Variants in RASA2 observed in about 807,000 individuals in gnomAD.
The protein encoded by RASA2 is ras GTPase-activating protein 2.
In RASA2, 155 loss-of-function variants were observed where a neutral mutation model predicts 118.2. The observed-to-expected ratio is 1.31, with a 90% confidence interval of 1.15 to 1.50. The LOEUF is 1.50. Among genes scored for constraint, RASA2 ranks in the 40% most tolerant of loss-of-function variants. The pLI, the probability that RASA2 is intolerant of heterozygous loss-of-function variation, is 0.00. For synonymous variants in RASA2, 353 were observed against 349.1 expected (o/e 1.01, Z -0.12); for missense variants, 1,016 against 1,009.6 (o/e 1.01, Z -0.09).
In RASA2 at chr3:141,610,011, G is replaced by T; in HGVS notation, c.2464G>T (p.Glu822Ter). Reference protein sequence around the residue: ...QIKSIIEKLDEPHEKYRKKRS... With the variant: ...QIKSIIEKLD ...AAAAAGCATAATTGAGAAGCTGGATGAACCTCATGAAAAATATAGGAAGAA... is the reference window on the plus strand; with the variant it reads ...AAAAAGCATAATTGAGAAGCTGGATTAACCTCATGAAAAATATAGGAAGAA... The change falls in exon 23 of 24, where the codon GAA becomes TAA. Residue 822 changes from glutamate (E) to a stop codon, truncating the protein, a stop_gained. Transcript: ENST00000286364. LOFTEE classifies it high-confidence loss of function. The T allele has an allele frequency of 1.2e-6, 2 of 1,604,394 alleles. No individual in the cohort carries two copies. Among genetic ancestry groups the T allele is most frequent in the South Asian group, 2.2e-5 (2 of 89,176 alleles).
In RASA2 at chr3:141,586,084, G is replaced by A. The variant is rs930450697; in HGVS notation, c.1812G>A (p.Val604=). The change falls in exon 18 of 24, where the codon GTG becomes GTA. Residue 604 remains valine (V), a synonymous_variant. Transcript: ENST00000286364. Reference sequence around the variant, plus strand: ...AGTCCAGTGGTACGAGTGAGCCTGTGCACCTGAAAGAAGGGTAATTTAATC... The same window carrying A: ...AGTCCAGTGGTACGAGTGAGCCTGTACACCTGAAAGAAGGGTAATTTAATC... ...TKESSGTSEP[V]HLKEGEMYKR... is the part of the protein sequence containing the mutation. The A allele has an allele frequency of 2.5e-6, 4 of 1,605,752 alleles. No homozygotes were observed. Among genetic ancestry groups the A allele is most frequent in the East Asian group, 4.5e-5 (2 of 44,758 alleles).
chr3:141,597,822 A>G (rs1236637352), intron 19 of RASA2, among the ~76,000 whole-genome samples: 1 of 151,824 alleles, frequency 6.6e-6, no homozygotes, highest in Non-Finnish European at 1.5e-5. Flanking sequence ...AAAAATGCCT[A>G]GAAAGACTGA....
chr3:141,586,098 G>T lies in RASA2; in HGVS notation c.1826G>T (p.Gly609Val). 1 of 1,596,366 alleles carries T rather than the reference G, an allele frequency of 6.3e-7. No individual in the cohort carries two copies. Among genetic ancestry groups the T allele is most frequent in the Non-Finnish European group, 8.6e-7 (1 of 1,164,826 alleles). The change falls in exon 18 of 24, where the codon GGT becomes GTT. Residue 609 changes from glycine (G) to valine (V), a missense_variant and splice_region_variant. This residue lies in a region of RASA2 where 896 missense variants were observed against 836.4 expected (regional missense o/e 1.07). Transcript: ENST00000286364. ...AGTGAGCCTGTGCACCTGAAAGAAG[G>T]GTAATTTAATCAAATTAGACGTGAA... ...GTSEPVHLKE[G>V]EMYKRAQGRT...
Position 141,586,744 on chromosome 3 carries a change from A to G in RASA2, c.1925A>G (p.Lys642Arg). 1 of 1,609,490 alleles carries G rather than the reference A, an allele frequency of 6.2e-7. No individual in the cohort carries two copies. The highest frequency in any genetic ancestry group is 8.5e-7 in the Non-Finnish European group (1 of 1,176,032). The change falls in exon 19 of 24, where the codon AAA (lysine) becomes AGA (arginine). Residue 642 changes from lysine (K) to arginine (R), a missense_variant. Lys to Arg is a conservative substitution (Grantham distance 26, BLOSUM62 2). This residue lies in a region of RASA2 where 896 missense variants were observed against 836.4 expected (regional missense o/e 1.07). Coordinates refer to ENST00000286364, the MANE Select transcript of RASA2 (RefSeq NM_006506.5). Reference protein sequence around the residue: ...CLTSRELTYHKQPGKDAIYTI... With the variant: ...CLTSRELTYHRQPGKDAIYTI... ...ACAAGCAGAGAGCTCACCTACCACAAACAGCCAGGTAGTTGTGTTTATGCT... is the reference window on the plus strand; with the variant it reads ...ACAAGCAGAGAGCTCACCTACCACAGACAGCCAGGTAGTTGTGTTTATGCT...
rs1485022882 is a variant in RASA2, at chr3:141,572,593, T to C, written c.1170-16T>C. 1 of 1,565,150 alleles carries C rather than the reference T, an allele frequency of 6.4e-7. No individual in the cohort carries two copies. Among genetic ancestry groups the C allele is most frequent in the South Asian group, 1.1e-5 (1 of 90,108 alleles). On this transcript the variant is annotated splice_polypyrimidine_tract_variant and intron_variant, in intron 11 of 23. Transcript: ENST00000286364. ...CCTTTGTTTACTACATTTGGTTTCA[T>C]CTATTTCTATTTCAGAGATGCAAAC...
At chr3:141,606,196 T>G (rs1223687863) in intron 19 of RASA2, among the ~76,000 whole-genome samples, 4 of 152,210 alleles carry the variant, frequency 2.6e-5, no homozygotes, top group Admixed American at 2.6e-4. Context: ...GATGTCTTAT[T>G]GTACATCTGG....
chr3:141,587,556 A>G (rs2083224033), intron 19 of RASA2, among the ~76,000 whole-genome samples: 1 of 152,246 alleles, frequency 6.6e-6, no homozygotes, highest in East Asian at 1.9e-4. Flanking sequence ...TACTAAAAGT[A>G]CAAAAAAATT....
Position 141,542,733 on chromosome 3 carries a change from C to T in RASA2, c.527+2124C>T, listed in dbSNP as rs137873704. On this transcript the variant is annotated intron_variant, in intron 5 of 23. Coordinates refer to ENST00000286364, the MANE Select transcript of RASA2 (RefSeq NM_006506.5). ...TAACTACCACCACCAAGATACGAAA[C>T]TCTTCTGTCACCATAAAGATATCTC... Among the ~76,000 whole-genome samples, 218 of 152,220 alleles carry T rather than the reference C, an allele frequency of 1.4e-3. 7 individuals carry two copies. In the East Asian group the frequency reaches 0.024, roughly 17 times the overall value.
intron 1 of RASA2, among the ~76,000 whole-genome samples, chr3:141,504,384 CA>C (rs1156254289): frequency 6.6e-6 from 1 of 152,166 alleles, no homozygotes; most frequent in Non-Finnish European, 1.5e-5. Context: ...ATTTAATATT[CA>C]ATACAGTCTC....
rs772922218 is a variant in RASA2, at chr3:141,607,692, T to C, written c.1948T>C (p.Tyr650His). The change falls in exon 20 of 24, where the codon TAC (tyrosine) becomes CAC (histidine). Residue 650 changes from tyrosine to histidine, a missense_variant. By Grantham distance (83) the Tyr-to-His change is moderately conservative (BLOSUM62 2). Around this residue, in one of 2 missense-constraint regions of RASA2, gnomAD observed 896 missense variants for 836.4 expected, o/e 1.07. Coordinates refer to ENST00000286364, the MANE Select transcript of RASA2 (RefSeq NM_006506.5). ...TTATTATTTAGGCAAAGATGCAATC[T>C]ACACAATCCCAGTAAAAAACATTCT... is the stretch of plus-strand genomic sequence containing the variant. ...YHKQPGKDAI[Y>H]TIPVKNILAV... is the part of the protein sequence containing the mutation. The C allele has an allele frequency of 6.3e-7, 1 of 1,587,862 alleles. No individual in the cohort carries two copies. The highest frequency in any genetic ancestry group is 1.2e-5 in the South Asian group (1 of 84,978).
chr3:141,576,960 T>C (rs1350952193), intron 14 of RASA2, 40 bp from the exon 15 acceptor site: 2 of 1,293,012 alleles, frequency 1.5e-6, no homozygotes, highest in Non-Finnish European at 2.2e-6. Flanking sequence ...TGTTTTTTAA[T>C]TGTTTTTGTG....
Position 141,487,088 on chromosome 3 carries a change from C to A in RASA2, c.5C>A (p.Ala2Glu). The stretch of plus-strand genomic sequence containing the variant: ...CGGCACGGGCCGGGCGGCACCATGG[C>A]GGCGGCGGCGCCTGCTGCTGCGGCG... MAAAAPAAAAAS... is the reference protein window; with the variant it reads MEAAAPAAAAAS... The change falls in exon 1 of 24, where the codon GCG (alanine) becomes GAG (glutamate). Residue 2 changes from alanine (A) to glutamate (E), a missense_variant. Physicochemically the swap from Ala to Glu is moderately radical, Grantham distance 107. Coordinates refer to ENST00000286364, the MANE Select transcript of RASA2 (RefSeq NM_006506.5). The A allele has an allele frequency of 7.4e-7, 1 of 1,360,180 alleles. No homozygotes were observed. Among genetic ancestry groups the A allele is most frequent in the South Asian group, 1.6e-5 (1 of 63,416 alleles). 84.3% of individuals were successfully genotyped at this position (1,360,180 alleles called of 1,614,324 possible). A position where few individuals can be genotyped will look rare whatever the true frequency, so the allele number is the denominator to read the frequency against.
chr3:141,600,507 G>C (rs1040796174), intron 19 of RASA2: 1 of 318,472 alleles, frequency 3.1e-6, no homozygotes, highest in Non-Finnish European at 6.2e-6. Context: ...CCTTCATGCA[G>C]GTGGCCATGT....
intron 5 of RASA2, among the ~76,000 whole-genome samples, chr3:141,550,717 T>C (rs570437830): frequency 1.3e-5 from 2 of 152,346 alleles, no homozygotes; most frequent in African/African-American, 4.8e-5. Flanking sequence ...ATGAATCACA[T>C]TGCAAACTTA....
intron 18 of RASA2, 147 bp from the exon 19 acceptor site, chr3:141,586,499 C>T: frequency 1.9e-6 from 1 of 526,776 alleles, no homozygotes; most frequent in Non-Finnish European, 3.3e-6. Context: ...AAAATAAATG[C>T]AACAGTCATG....
At position 141,571,075 on chromosome 3, in the gene RASA2, T is replaced by G; in HGVS notation, c.1020+7T>G. ...AAAATCACCAGATGTTCAAGTATGT[T>G]AAGAATCTTAAGGATATGATTTAAC... On this transcript the variant is annotated splice_region_variant and intron_variant, in intron 10 of 23. Transcript: ENST00000286364. The G allele has an allele frequency of 6.3e-7, 1 of 1,591,158 alleles. No individual in the cohort carries two copies. The highest frequency in any genetic ancestry group is 8.5e-7 in the Non-Finnish European group (1 of 1,172,932).
chr3:141,549,642 G>A (rs1291140811), intron 5 of RASA2, among the ~76,000 whole-genome samples: 1 of 152,128 alleles, frequency 6.6e-6, no homozygotes, highest in African/African-American at 2.4e-5. Flanking sequence ...TACAGCTAAT[G>A]TGACCAAAGA....
rs1030464195 is a variant in RASA2 at position 141,497,325 on chromosome 3, A to G, written c.133+10109A>G. On this transcript the variant is annotated intron_variant, in intron 1 of 23. Coordinates refer to ENST00000286364, the MANE Select transcript of RASA2 (RefSeq NM_006506.5). ...ACCCTAAAACGTAAAGTATAATAAA[A>G]AAAAAAAAAGAGCGAGTTAGCCTTA... Among the ~76,000 whole-genome samples the G allele has an allele frequency of 2.0e-5, 3 of 151,954 alleles. No homozygotes were observed. In the South Asian group the frequency reaches 6.2e-4, roughly 32 times the overall value.
intron 5 of RASA2, among the ~76,000 whole-genome samples, chr3:141,546,358 A>G (rs916267763): frequency 6.6e-6 from 1 of 152,178 alleles, no homozygotes; most frequent in Non-Finnish European, 1.5e-5. Flanking sequence ...TTTGTTACGC[A>G]TGTCTTTTGG....
Sources: gnomAD v4.1 joint callset for allele counts (sites outside exome capture counted in the v4.1 genomes callset) on GRCh38, gnomAD v4.1.1 for gene constraint, gnomAD v4.1.1 regional missense constraint, MANE v1.5 for transcripts, NCBI Gene and HGNC (gene_info 2026-07-23, HGNC 2026-07-21) for gene names.